CDH17: variants seen among roughly 807,000 people sequenced by gnomAD.
The protein encoded by CDH17 is cadherin 17.
A neutral mutation model predicts 86.3 loss-of-function variants in CDH17; 67 were observed. That is an observed-to-expected ratio of 0.78 (90% confidence interval 0.64 to 0.95). The LOEUF is 0.95. Among genes scored for constraint, CDH17 ranks in the 40% least tolerant of loss-of-function variants. The probability of loss-of-function intolerance (pLI) is 0.00; values close to 1 mark genes in which losing one functional copy is unlikely to be tolerated. For synonymous variants in CDH17, 367 were observed against 366.4 expected (o/e 1.00, Z -0.02); for missense variants, 993 against 1,017.6 (o/e 0.98, Z 0.33).
At position 94,127,910 on chromosome 8, in the gene CDH17, T is replaced by C. The variant is rs1812332527; in HGVS notation, c.*330A>G. On this transcript the variant is annotated 3_prime_UTR_variant, in exon 18 of 18. Transcript: ENST00000027335. ...GGAGTTCAAGACCAGCCTGGCCAAATGGCGAAACCCCGTCTCTATTAAAAA... is the reference window on the plus strand; with the variant it reads ...GGAGTTCAAGACCAGCCTGGCCAAACGGCGAAACCCCGTCTCTATTAAAAA... 1 of 234,874 alleles carries C rather than the reference T, an allele frequency of 4.3e-6. No individual in the cohort carries two copies. The highest frequency in any genetic ancestry group is 6.0e-5 in the South Asian group (1 of 16,558). 14.5% of individuals were successfully genotyped at this position (234,874 alleles called of 1,614,324 possible).
chr8:94,176,458 G>A (rs1813375623), intron 5 of CDH17, 83 bp downstream of exon 5: 3 of 1,425,158 alleles, frequency 2.1e-6, no homozygotes, highest in African/African-American at 2.8e-5. Flanking sequence ...AGTGACAGCT[G>A]CAGCTATTAG....
chr8:94,167,086 T>C (rs1813171702), intron 9 of CDH17, among the ~76,000 whole-genome samples: 1 of 152,212 alleles, frequency 6.6e-6, no homozygotes, highest in South Asian at 2.1e-4. Context: ...AGCAACTTCA[T>C]GGAACAATTG....
chr8:94,158,596 T>A (rs1249651092), intron 12 of CDH17, among the ~76,000 whole-genome samples: 1 of 152,182 alleles, frequency 6.6e-6, no homozygotes. Flanking sequence ...CTCTGAAAAC[T>A]GCCCTTTCCT....
intron 1 of CDH17, among the ~76,000 whole-genome samples, chr8:94,204,465 A>T (rs563346974): frequency 3.0e-4 from 46 of 152,310 alleles, no homozygotes; most frequent in Non-Finnish European, 4.3e-4. Flanking sequence ...GTCCCTGAAA[A>T]GGACATGAAA....
At chr8:94,151,760 G>C in intron 13 of CDH17, 108 bp downstream of exon 13, 1 of 1,402,196 alleles carries the variant, frequency 7.1e-7, no homozygotes. Context: ...ATCATTGCTG[G>C]GTATGCTGTG....
chr8:94,185,739 TATATAA>T (rs1454817805), intron 3 of CDH17, among the ~76,000 whole-genome samples: 2 of 152,234 alleles, frequency 1.3e-5, no homozygotes, highest in African/African-American at 4.8e-5. Flanking sequence ...CAGTGAATTT[TATATAA>T]ATATAACATT....
intron 10 of CDH17, among the ~76,000 whole-genome samples, chr8:94,164,306 TTCC>T (rs1264993958): frequency 1.3e-5 from 2 of 152,204 alleles, no homozygotes; most frequent in African/African-American, 4.8e-5. Context: ...CCTTGGGCAG[TTCC>T]TTGCAATTTA....
At chr8:94,128,802 A>G (rs1231980599) in intron 17 of CDH17, among the ~76,000 whole-genome samples, 1 of 152,196 alleles carries the variant, frequency 6.6e-6, no homozygotes, top group Non-Finnish European at 1.5e-5. Context: ...GCTGATTTTC[A>G]TCGTGTCCAT....
At chr8:94,152,189 ACT>A (rs1812869442) in intron 12 of CDH17, 77 bp from the exon 13 acceptor site, 1 of 1,481,172 alleles carries the variant, frequency 6.8e-7, no homozygotes, top group African/African-American at 1.4e-5. Context: ...TCCTTCTTAA[ACT>A]CTCATATATT....
At chr8:94,186,984 C>G (rs923694501) in intron 3 of CDH17, among the ~76,000 whole-genome samples, 2 of 152,180 alleles carry the variant, frequency 1.3e-5, no homozygotes, top group Non-Finnish European at 2.9e-5. Context: ...ATGCTTTTTC[C>G]CATCCTGTAC....
intron 1 of CDH17, among the ~76,000 whole-genome samples, chr8:94,206,084 A>G (rs1269719045): frequency 6.6e-6 from 1 of 152,230 alleles, no homozygotes; most frequent in Non-Finnish European, 1.5e-5. Context: ...TGTCAGTCTT[A>G]CAGAATATTT....
intron 7 of CDH17, among the ~76,000 whole-genome samples, chr8:94,173,312 C>T (rs1406758362): frequency 2.0e-5 from 3 of 152,148 alleles, no homozygotes; most frequent in Admixed American, 6.5e-5. Context: ...CTGAGCACCA[C>T]GCCCTTGGTG....
At chr8:94,158,955 C>T (rs3779687) in intron 12 of CDH17, among the ~76,000 whole-genome samples, 37,469 of 152,080 alleles carry the variant, frequency 0.25, 4,698 homozygotes, top group South Asian at 0.31. Context: ...CAGAGCTTTC[C>T]TTTGCAGCTT....
chr8:94,194,625 C>G lies in CDH17; in HGVS notation c.51+10G>C, dbSNP rs1447809125. On this transcript the variant is annotated intron_variant, in intron 2 of 17. Transcript: ENST00000027335. ...GTAAACAAATAGAGAAGAACACCCTCTTCTCTTACCAAATAAAGCATAAGA... is the reference window on the plus strand; with the variant it reads ...GTAAACAAATAGAGAAGAACACCCTGTTCTCTTACCAAATAAAGCATAAGA... 1 of 1,580,340 alleles carries G rather than the reference C, an allele frequency of 6.3e-7. No individual in the cohort carries two copies.
At position 94,177,619 on chromosome 8, in the gene CDH17, C is replaced by G; in HGVS notation, c.253G>C (p.Asp85His). ...TTGTGAGTAGATCTTGTTTCCCTGT[C>G]CAAGGCTCTGTTGTAATACAGAAGT... is the stretch of plus-strand genomic sequence containing the variant. Reference protein sequence around the residue: ...EGLLYYNRALDRETRSTHNLQ... With the variant: ...EGLLYYNRALHRETRSTHNLQ... The change falls in exon 4 of 18, where the codon GAC becomes CAC. Residue 85 changes from aspartate to histidine, a missense_variant. By Grantham distance (81) the Asp-to-His change is moderately conservative (BLOSUM62 -1). Transcript: ENST00000027335. 2 of 1,613,736 alleles carry G rather than the reference C, an allele frequency of 1.2e-6. No individual in the cohort carries two copies. The highest frequency in any genetic ancestry group is 1.7e-6 in the Non-Finnish European group (2 of 1,179,780).
chr8:94,192,668 G>T (rs1813710105), intron 2 of CDH17, among the ~76,000 whole-genome samples: 1 of 152,110 alleles, frequency 6.6e-6, no homozygotes, highest in South Asian at 2.1e-4. Flanking sequence ...TCAGTGCAGT[G>T]ATTATGTAGT....
At chr8:94,202,807 G>C (rs755917) in intron 1 of CDH17, 2 of 167,832 alleles carry the variant, frequency 1.2e-5, no homozygotes, top group Admixed American at 1.3e-4. Flanking sequence ...GGTTTGTAAC[G>C]GTTGCGAGAT....
At chr8:94,184,803 A>T (rs1813547328) in intron 3 of CDH17, among the ~76,000 whole-genome samples, 1 of 152,218 alleles carries the variant, frequency 6.6e-6, no homozygotes, top group African/African-American at 2.4e-5. Context: ...CCTGGTGAGT[A>T]CAGAGCTGGC....
intron 15 of CDH17, among the ~76,000 whole-genome samples, chr8:94,138,216 T>C (rs1385297721): frequency 6.6e-6 from 1 of 152,100 alleles, no homozygotes; most frequent in Non-Finnish European, 1.5e-5. Context: ...GATTTAAATA[T>C]GCATATTTAA....
Sources: gnomAD v4.1 joint callset for allele counts (sites outside exome capture counted in the v4.1 genomes callset) on GRCh38, gnomAD v4.1.1 for gene constraint, MANE v1.5 for transcripts, NCBI Gene and HGNC (gene_info 2026-07-23, HGNC 2026-07-21) for gene names.